CPQ: variants seen among roughly 807,000 people sequenced by gnomAD.
CPQ encodes carboxypeptidase Q, also known as Ser-Met dipeptidase.
A neutral mutation model predicts 45.7 loss-of-function variants in CPQ; 37 were observed. The observed-to-expected ratio is 0.81, with a 90% CI of 0.62 to 1.07. The LOEUF (loss-of-function observed/expected upper bound fraction) is 1.07, where lower values mean the gene tolerates loss of function less well. Among genes scored for constraint, CPQ ranks in the 50% least tolerant of loss-of-function variants. The probability of loss-of-function intolerance (pLI) is 0.00; values close to 1 mark genes in which losing one functional copy is unlikely to be tolerated. For missense variants in CPQ, 537 were observed against 572.9 expected (o/e 0.94, Z 0.64); for synonymous variants, 186 against 205.8 (o/e 0.90, Z 0.82).
chr8:96,924,326 T>A (rs1323709086), intron 4 of CPQ, among the ~76,000 whole-genome samples: 1 of 152,200 alleles, frequency 6.6e-6, no homozygotes, highest in African/African-American at 2.4e-5. Flanking sequence ...AACACAGCAC[T>A]GTGTTTAGAA....
intron 1 of CPQ, among the ~76,000 whole-genome samples, chr8:96,721,359 T>G (rs1809761670): frequency 6.6e-6 from 1 of 152,034 alleles, no homozygotes; most frequent in Non-Finnish European, 1.5e-5. Context: ...GATTGCAGTC[T>G]TACACTGCCC....
intron 1 of CPQ, among the ~76,000 whole-genome samples, chr8:96,768,471 G>C (rs908588436): frequency 6.6e-6 from 1 of 152,108 alleles, no homozygotes; most frequent in Non-Finnish European, 1.5e-5. Context: ...AAGTATGTGT[G>C]TGTTCCCGGT....
At chr8:96,863,862 C>A (rs1455110852) in intron 3 of CPQ, among the ~76,000 whole-genome samples, 1 of 151,980 alleles carries the variant, frequency 6.6e-6, no homozygotes, top group Non-Finnish European at 1.5e-5. Context: ...AAGTTGTGAG[C>A]AGATGATCAT....
At position 97,143,248 on chromosome 8, in the gene CPQ, ACTC is replaced by A; in HGVS notation, c.*69_*71del. Reference sequence around the variant, plus strand: ...AATCCTGGGTCTGCAACTTTGGAAAACTCCTCTTCACATAACAATTTCATCCAA... The same window carrying A: ...AATCCTGGGTCTGCAACTTTGGAAAACTCTTCACATAACAATTTCATCCAA... On this transcript the variant is annotated 3_prime_UTR_variant, in exon 8 of 8. Coordinates refer to ENST00000220763, the MANE Select transcript of CPQ (RefSeq NM_016134.4). 15 of 1,452,316 alleles carry A rather than the reference ACTC, an allele frequency of 1.0e-5. No homozygotes were observed. In the Middle Eastern group the frequency reaches 1.4e-3, roughly 138 times the overall value. The allele number at this position is 1,452,316 out of a possible 1,614,324, so 90.0% of individuals were successfully genotyped here. A position where few individuals can be genotyped will look rare whatever the true frequency, so the allele number is the denominator to read the frequency against.
intron 1 of CPQ, among the ~76,000 whole-genome samples, chr8:96,730,035 G>A (rs1019664427): frequency 6.6e-6 from 1 of 152,186 alleles, no homozygotes; most frequent in African/African-American, 2.4e-5. Context: ...CCCTGTACAG[G>A]GAGGACCTTC....
At chr8:96,678,224 T>C (rs1809100502) in intron 1 of CPQ, among the ~76,000 whole-genome samples, 1 of 152,190 alleles carries the variant, frequency 6.6e-6, no homozygotes, top group South Asian at 2.1e-4. Flanking sequence ...GATGGTATTT[T>C]GATGGGAATT....
intron 4 of CPQ, among the ~76,000 whole-genome samples, chr8:96,904,634 G>A (rs945925387): frequency 1.3e-5 from 2 of 152,142 alleles, no homozygotes; most frequent in Non-Finnish European, 2.9e-5. Context: ...TTTTTAAAAA[G>A]GGCCCATCTC....
intron 5 of CPQ, among the ~76,000 whole-genome samples, chr8:96,977,374 C>G (rs1813807466): frequency 1.3e-5 from 2 of 151,268 alleles, no homozygotes; most frequent in Admixed American, 1.3e-4. Flanking sequence ...AAAGGGAACA[C>G]TTTTACACTG....
intron 4 of CPQ, among the ~76,000 whole-genome samples, chr8:96,904,335 G>A (rs1450705636): frequency 1.3e-5 from 2 of 152,178 alleles, no homozygotes; most frequent in African/African-American, 4.8e-5. Context: ...AATACAAATA[G>A]CATTTGACAT....
At chr8:97,097,905 A>G (rs1460862030) in intron 7 of CPQ, among the ~76,000 whole-genome samples, 3 of 152,202 alleles carry the variant, frequency 2.0e-5, no homozygotes, top group Admixed American at 6.5e-5. Flanking sequence ...GGCTAGAACA[A>G]GTTACATGTT....
Position 97,066,104 on chromosome 8 carries a change from C to A in CPQ, c.1149C>A (p.Ala383=). 2 of 1,612,472 alleles carry A rather than the reference C, an allele frequency of 1.2e-6. No homozygotes were observed. Residue 383 remains alanine (A), a synonymous_variant, in exon 7 of 8, where the codon GCC becomes GCA. Coordinates refer to ENST00000220763, the MANE Select transcript of CPQ (RefSeq NM_016134.4). ...TCACTGGCAGTGAAAAGGCCAGGGCCATCATGGAGGAGGTTATGAGCCTGC... is the reference window on the plus strand; with the variant it reads ...TCACTGGCAGTGAAAAGGCCAGGGCAATCATGGAGGAGGTTATGAGCCTGC... The part of the protein sequence containing the change: ...LQFTGSEKAR[A]IMEEVMSLLQ...
chr8:96,734,483 G>A (rs563647292), intron 1 of CPQ, among the ~76,000 whole-genome samples: 5 of 152,134 alleles, frequency 3.3e-5, no homozygotes, highest in South Asian at 2.1e-4. Context: ...AGGCCCAGGC[G>A]GACGGATCAC....
chr8:96,736,282 A>C (rs1450611525), intron 1 of CPQ, among the ~76,000 whole-genome samples: 1 of 152,186 alleles, frequency 6.6e-6, no homozygotes, highest in Non-Finnish European at 1.5e-5. Flanking sequence ...TCAGATGCTC[A>C]GTCTCTACTA....
intron 6 of CPQ, among the ~76,000 whole-genome samples, chr8:97,046,895 T>C (rs1443971094): frequency 2.6e-5 from 4 of 152,212 alleles, no homozygotes; most frequent in Non-Finnish European, 5.9e-5. Flanking sequence ...AGGAACATAA[T>C]AGTAGACAGA....
rs111486679 is a variant in CPQ at position 97,034,891 on chromosome 8, A to AT, written c.1053+5413dup. Among the ~76,000 whole-genome samples, 706 of 122,950 alleles carry AT rather than the reference A, an allele frequency of 5.7e-3. 2 individuals are homozygous for AT. Among genetic ancestry groups the AT allele is most frequent in the African/African-American group, 0.01 (341 of 33,338 alleles). The allele number at this position is 122,950 out of a possible 152,430, so 80.7% of individuals were successfully genotyped here. A position where few individuals can be genotyped will look rare whatever the true frequency, so the allele number is the denominator to read the frequency against. On this transcript the variant is annotated intron_variant, in intron 6 of 7. Transcript: ENST00000220763. Reference sequence around the variant, plus strand: ...CATTAACAGTAGTTTGTCCCTTTCTATTTTTTTTTTTTTTTTCGAGATGGA... The same window carrying AT: ...CATTAACAGTAGTTTGTCCCTTTCTATTTTTTTTTTTTTTTTTCGAGATGGA...
chr8:96,752,830 C>T (rs1469864029), intron 1 of CPQ, among the ~76,000 whole-genome samples: 1 of 151,856 alleles, frequency 6.6e-6, no homozygotes, highest in Non-Finnish European at 1.5e-5. Flanking sequence ...TGAGTTTGTG[C>T]CCCTTCCTGT....
intron 5 of CPQ, 172 bp downstream of exon 5, chr8:96,966,218 G>T: frequency 3.9e-6 from 2 of 511,872 alleles, no homozygotes; most frequent in Non-Finnish European, 3.4e-6. Flanking sequence ...TTTTATTCAT[G>T]TGTACGCCAG....
In CPQ at chr8:97,014,768, TTTAA is replaced by T. The variant is rs1315467402; in HGVS notation, c.962-14632_962-14629del. On this transcript the variant is annotated intron_variant, in intron 5 of 7. Coordinates refer to ENST00000220763, the MANE Select transcript of CPQ (RefSeq NM_016134.4). ...GTCAAAAACAATATAGGATTAATCC[TTTAA>T]TTGAGTATAGATAACTTCATAACTA... is the stretch of plus-strand genomic sequence containing the variant. 6.6e-5 allele frequency among the ~76,000 whole-genome samples: 10 copies of T among 152,190 alleles called. No homozygotes were observed. In the South Asian group the frequency reaches 1.2e-3, roughly 19 times the overall value.
chr8:97,066,916 CTTTTTTTTTTTTT>C (rs752150876), intron 7 of CPQ, among the ~76,000 whole-genome samples: 7 of 60,398 alleles, frequency 1.2e-4, no homozygotes, highest in Middle Eastern at 0.013. Context: ...CTGGAACAGT[CTTTTTTTTTTTTT>C]TTTTTTTTTT....
Sources: allele counts gnomAD v4.1 joint callset (sites outside exome capture counted in the v4.1 genomes callset), GRCh38; gene constraint gnomAD v4.1.1; transcripts MANE v1.5; gene names NCBI Gene and HGNC (gene_info 2026-07-23, HGNC 2026-07-21).